The following TNS1 variants were observed in gnomAD, a reference collection of about 807,000 sequenced individuals.
TNS1 encodes tensin-1.
A neutral mutation model predicts 168.6 loss-of-function variants in TNS1; 62 were observed. The ratio of observed to expected loss-of-function variants is 0.37; its 90% CI spans 0.30 to 0.45. The LOEUF (loss-of-function observed/expected upper bound fraction) is 0.45. Ranked by LOEUF, TNS1 falls within the 20% of genes least tolerant of loss-of-function variation. TNS1 has a pLI of 1.00. For missense variants in TNS1, 2,240 were observed against 2,339.4 expected (o/e 0.96, Z 0.88); for synonymous variants, 934 against 933.2 (o/e 1.00, Z -0.02).
chr2:217,893,862 AAAAC>A (rs1559315472), intron 9 of TNS1, among the ~76,000 whole-genome samples: 3 of 152,226 alleles, frequency 2.0e-5, no homozygotes, highest in Admixed American at 2.0e-4. Flanking sequence ...GTGTGTTAAA[AAAAC>A]AAACAAAAAG....
chr2:218,007,274 C>T (rs147248108), upstream of TNS1, among the ~76,000 whole-genome samples: 853 of 152,266 alleles, frequency 5.6e-3, 2 homozygotes, highest in Middle Eastern at 0.024. Flanking sequence ...AAGATTAATA[C>T]CAATTAACTA....
chr2:217,839,958 G>A (rs1945722787), intron 19 of TNS1, among the ~76,000 whole-genome samples: 1 of 152,186 alleles, frequency 6.6e-6, no homozygotes, highest in Non-Finnish European at 1.5e-5. Context: ...CTTGAGGCAG[G>A]CCCACCATCC....
chr2:217,912,717 C>T (rs1001676380), intron 4 of TNS1, among the ~76,000 whole-genome samples: 12 of 152,182 alleles, frequency 7.9e-5, no homozygotes, highest in African/African-American at 2.9e-4. Flanking sequence ...TGGAGCATGG[C>T]AGGCTGTGAG....
rs538415925 is a variant in TNS1, at chr2:218,019,211, G to A, written c.156+14609C>T. 4.7e-4 allele frequency among the ~76,000 whole-genome samples: 72 copies of A among 152,316 alleles called. No homozygotes were observed. The South Asian group carries it at 8.7e-3, about 18-fold the overall frequency. ...GGGTGAAGGCTGGGACCCTATAGAC[G>A]GGGAGTGAGGGACTGGGAGAGAGAA... On this transcript the variant is annotated intron_variant, in intron 1 of 1. Transcript: ENST00000649572.
chr2:217,901,535 T>C (rs1159442761), intron 6 of TNS1, among the ~76,000 whole-genome samples: 1 of 152,186 alleles, frequency 6.6e-6, no homozygotes, highest in African/African-American at 2.4e-5. Flanking sequence ...GGATGCAGAA[T>C]TGGGAAGGCC....
At chr2:217,824,130 G>A (rs975738702) in intron 22 of TNS1, among the ~76,000 whole-genome samples, 1 of 152,218 alleles carries the variant, frequency 6.6e-6, no homozygotes, top group African/African-American at 2.4e-5. Context: ...TAGACAACAG[G>A]ACAGTGAATG....
intron 18 of TNS1, chr2:217,849,670 G>A: frequency 1.0e-6 from 1 of 985,402 alleles, no homozygotes; most frequent in African/African-American, 1.7e-5. Flanking sequence ...ATCTCAAAAA[G>A]TCTCACCCCT....
chr2:217,944,643 G>A (rs1957058691), intron 3 of TNS1, among the ~76,000 whole-genome samples: 1 of 152,214 alleles, frequency 6.6e-6, no homozygotes, highest in South Asian at 2.1e-4. Context: ...TCTGGGCTGA[G>A]TTAGGACATT....
intron 2 of TNS1, among the ~76,000 whole-genome samples, chr2:217,984,317 A>G (rs1033319707): frequency 5.3e-5 from 8 of 152,240 alleles, no homozygotes; most frequent in Non-Finnish European, 1.2e-4. Context: ...GAAACCTTCC[A>G]GATCAAGCTT....
chr2:218,020,033 T>A (rs769760087), intron 1 of TNS1, among the ~76,000 whole-genome samples: 3 of 151,852 alleles, frequency 2.0e-5, no homozygotes, highest in Non-Finnish European at 4.4e-5. Context: ...GTGCAGTGGG[T>A]CGATTGAACA....
chr2:217,857,492 C>T (rs1302710416), intron 18 of TNS1, among the ~76,000 whole-genome samples: 1 of 152,190 alleles, frequency 6.6e-6, no homozygotes, highest in African/African-American at 2.4e-5. Flanking sequence ...AACCACAGGA[C>T]AACATAATAT....
intron 18 of TNS1, among the ~76,000 whole-genome samples, chr2:217,869,362 G>T (rs761725474): frequency 6.6e-6 from 1 of 152,196 alleles, no homozygotes; most frequent in East Asian, 1.9e-4. Context: ...AGGGAGGAGC[G>T]CCCAAGGCCT....
rs1277621947 is a variant in TNS1 at position 217,831,639 on chromosome 2, T to G, written c.3281-92A>C. The G allele has an allele frequency of 3.8e-6, 4 of 1,053,654 alleles. No homozygotes were observed. In the African/African-American group the frequency reaches 5.0e-5, roughly 13 times the overall value. The allele number at this position is 1,053,654 out of a possible 1,614,324, so 65.3% of individuals were successfully genotyped here. On this transcript the variant is annotated intron_variant, in intron 21 of 32. Coordinates refer to ENST00000682258, the MANE Select transcript of TNS1 (RefSeq NM_001387777.1). Reference sequence around the variant, plus strand: ...ACGTGAGGGCACGCTTAGTGAGGGCTGGGGGGCTGGAGACGGTGCCGAGGA... The same window carrying G: ...ACGTGAGGGCACGCTTAGTGAGGGCGGGGGGGCTGGAGACGGTGCCGAGGA...
At chr2:217,893,398 G>A (rs868113137) in intron 10 of TNS1, 41 bp downstream of exon 10, 192 of 1,495,304 alleles carry the variant, frequency 1.3e-4, no homozygotes, top group South Asian at 5.4e-4. Flanking sequence ...ATGTGCGCGC[G>A]CGCACACACA....
intron 18 of TNS1, among the ~76,000 whole-genome samples, chr2:217,871,105 C>T: frequency 6.6e-6 from 1 of 152,226 alleles, no homozygotes; most frequent in East Asian, 1.9e-4. Context: ...TGTCCCTCAA[C>T]ATCACTGCCC....
chr2:217,877,191 A>T (rs1056200933), intron 18 of TNS1, among the ~76,000 whole-genome samples: 3 of 152,090 alleles, frequency 2.0e-5, no homozygotes, highest in Non-Finnish European at 2.9e-5. Flanking sequence ...TTTGCTACAC[A>T]GAGACACAGC....
At chr2:217,888,203 G>A (rs1291097584) in intron 12 of TNS1, among the ~76,000 whole-genome samples, 2 of 152,210 alleles carry the variant, frequency 1.3e-5, no homozygotes, top group Admixed American at 6.5e-5. Context: ...CCAACAGGAT[G>A]TGTCTGTGTT....
chr2:217,962,197 G>T (rs376518598), intron 3 of TNS1, among the ~76,000 whole-genome samples: 2 of 152,196 alleles, frequency 1.3e-5, no homozygotes, highest in Non-Finnish European at 2.9e-5. Flanking sequence ...TAATCCCAGC[G>T]CTTTGGGATG....
At position 217,818,550 on chromosome 2, in the gene TNS1, G is replaced by A. The variant is rs776797654; in HGVS notation, c.3782C>T (p.Ser1261Phe). 1 of 1,614,204 alleles carries A rather than the reference G, an allele frequency of 6.2e-7. No homozygotes were observed. The highest frequency in any genetic ancestry group is 8.5e-7 in the Non-Finnish European group (1 of 1,180,002). Residue 1261 changes from serine to phenylalanine, a missense_variant, in exon 24 of 33, where the codon TCT becomes TTT. Ser to Phe is a radical substitution (Grantham distance 155). Coordinates refer to ENST00000682258, the MANE Select transcript of TNS1 (RefSeq NM_001387777.1). Reference protein sequence around the residue: ...PDYSLQHFSSSPESQARAQFS... With the variant: ...PDYSLQHFSSFPESQARAQFS... ...CTGAGCTCGAGCCTGGCTTTCCGGAGAGGAGCTGAAATGCTGAAGTGAGTA... is the reference window on the plus strand; with the variant it reads ...CTGAGCTCGAGCCTGGCTTTCCGGAAAGGAGCTGAAATGCTGAAGTGAGTA...
Sources: gnomAD v4.1 joint callset for allele counts (sites outside exome capture counted in the v4.1 genomes callset) on GRCh38, gnomAD v4.1.1 for gene constraint, MANE v1.5 for transcripts, NCBI Gene and HGNC (gene_info 2026-07-23, HGNC 2026-07-21) for gene names.